The following NAALADL2 variants were observed in gnomAD, a reference collection of about 807,000 sequenced individuals.
The protein encoded by NAALADL2 is N-acetylated alpha-linked acidic dipeptidase like 2, also known as inactive N-acetylated-alpha-linked acidic dipeptidase-like protein 2.
NAALADL2 carries 76 observed loss-of-function variants against 87.2 expected under a neutral mutation model. The observed-to-expected ratio is 0.87, with a 90% CI of 0.72 to 1.05. The LOEUF (loss-of-function observed/expected upper bound fraction) is 1.05, where lower values mean the gene tolerates loss of function less well. Among genes scored for constraint, NAALADL2 ranks in the 50% least tolerant of loss-of-function variants. NAALADL2 has a pLI of 0.00. For missense variants in NAALADL2, 1,089 were observed against 945.8 expected (o/e 1.15, Z -1.99); for synonymous variants, 354 against 331.0 (o/e 1.07, Z -0.75).
intron 9 of NAALADL2, among the ~76,000 whole-genome samples, chr3:175,572,750 C>A (rs1357285973): frequency 6.6e-6 from 1 of 152,146 alleles, no homozygotes; most frequent in African/African-American, 2.4e-5. Flanking sequence ...CAGAACTGTG[C>A]TCTATGTAAC....
chr3:175,054,704 A>C (rs548049500), intron 1 of NAALADL2, among the ~76,000 whole-genome samples: 3 of 152,260 alleles, frequency 2.0e-5, no homozygotes, highest in Admixed American at 6.5e-5. Flanking sequence ...ATGATATCTT[A>C]AACCTTGGTG....
chr3:174,608,659 T>C (rs1422986946), intron 2 of NAALADL2, among the ~76,000 whole-genome samples: 2 of 151,974 alleles, frequency 1.3e-5, no homozygotes, highest in Admixed American at 1.3e-4. Flanking sequence ...TCTGAAATTG[T>C]GGCAATAATC....
intron 1 of NAALADL2, among the ~76,000 whole-genome samples, chr3:174,944,159 C>T (rs761645103): frequency 1.3e-5 from 2 of 152,170 alleles, no homozygotes; most frequent in Non-Finnish European, 2.9e-5. Flanking sequence ...TGAGGGCCTG[C>T]TCCTCCCTCT....
chr3:175,286,285 T>C (rs557936926), intron 4 of NAALADL2, among the ~76,000 whole-genome samples: 1 of 152,126 alleles, frequency 6.6e-6, no homozygotes, highest in African/African-American at 2.4e-5. Flanking sequence ...TGATTACCAG[T>C]GGAAAAAGGA....
chr3:174,470,980 G>C (rs1716861234), intron 1 of NAALADL2, among the ~76,000 whole-genome samples: 1 of 152,012 alleles, frequency 6.6e-6, no homozygotes, highest in African/African-American at 2.4e-5. Flanking sequence ...TACATCCTTA[G>C]TTATTTTTAT....
intron 2 of NAALADL2, among the ~76,000 whole-genome samples, chr3:174,578,968 G>A: frequency 6.6e-6 from 1 of 151,872 alleles, no homozygotes; most frequent in East Asian, 1.9e-4. Flanking sequence ...CAAAAGATTT[G>A]ATTGTACATT....
At chr3:175,285,378 C>G (rs1377203857) in intron 4 of NAALADL2, among the ~76,000 whole-genome samples, 2 of 152,058 alleles carry the variant, frequency 1.3e-5, no homozygotes, top group Non-Finnish European at 2.9e-5. Flanking sequence ...ATCATCAGTA[C>G]TTCCAAATTT....
At chr3:174,787,584 T>TGTATATATATACAC (rs1560225453) in intron 3 of NAALADL2, among the ~76,000 whole-genome samples, 4 of 59,214 alleles carry the variant, frequency 6.8e-5, no homozygotes, top group African/African-American at 1.7e-4. Context: ...ATCATATATA[T>TGTATATATATACAC]ATATATATAT....
chr3:175,767,140 C>T (rs1340494213), intron 13 of NAALADL2, among the ~76,000 whole-genome samples: 4 of 152,060 alleles, frequency 2.6e-5, no homozygotes, highest in African/African-American at 7.2e-5. Context: ...GATTTGCCAG[C>T]CACTACACTT....
rs1481417469 is a variant in NAALADL2 at position 175,576,194 on chromosome 3, G to A, written c.1800+7G>A. ...GGACATCAAAACATTAGAGGTGATT[G>A]TTCCTAAAAAATGCAAAACACACAC... On this transcript the variant is annotated splice_region_variant and intron_variant, in intron 10 of 13. Coordinates refer to ENST00000454872, the MANE Select transcript of NAALADL2 (RefSeq NM_207015.3). 2.5e-6 allele frequency: 4 copies of A among 1,608,714 alleles called. No homozygotes were observed. The highest frequency in any genetic ancestry group is 2.7e-5 in the African/African-American group (2 of 74,572).
At chr3:175,332,850 G>A (rs191960568) in intron 5 of NAALADL2, among the ~76,000 whole-genome samples, 1 of 152,176 alleles carries the variant, frequency 6.6e-6, no homozygotes, top group East Asian at 1.9e-4. Context: ...TTATTGTACT[G>A]GAGTCTATTT....
At chr3:175,098,680 A>C (rs1168690663) in intron 2 of NAALADL2, among the ~76,000 whole-genome samples, 2 of 152,216 alleles carry the variant, frequency 1.3e-5, no homozygotes, top group Non-Finnish European at 2.9e-5. Context: ...CGCTGCCTGC[A>C]ATATAGGCTG....
chr3:175,195,915 C>A (rs542365734), intron 2 of NAALADL2, among the ~76,000 whole-genome samples: 1 of 151,882 alleles, frequency 6.6e-6, no homozygotes, highest in Non-Finnish European at 1.5e-5. Flanking sequence ...GTGTAATGAG[C>A]TTTAAAGATG....
At chr3:174,726,287 A>C (rs767748687) in intron 2 of NAALADL2, among the ~76,000 whole-genome samples, 4 of 152,132 alleles carry the variant, frequency 2.6e-5, no homozygotes, top group Non-Finnish European at 5.9e-5. Flanking sequence ...GGGTTGCCCA[A>C]TCTATTGGCA....
intron 9 of NAALADL2, among the ~76,000 whole-genome samples, chr3:175,565,933 G>A (rs903415341): frequency 6.2e-5 from 9 of 145,056 alleles, no homozygotes; most frequent in African/African-American, 2.0e-4. Flanking sequence ...GGGTTTAAGC[G>A]ATTCTCCTAT....
intron 13 of NAALADL2, among the ~76,000 whole-genome samples, chr3:175,772,259 CTTTA>C (rs920666408): frequency 3.3e-5 from 5 of 151,462 alleles, no homozygotes; most frequent in Admixed American, 6.6e-5. Context: ...GTTTATTCAG[CTTTA>C]TTTATTTTTT....
intron 1 of NAALADL2, among the ~76,000 whole-genome samples, chr3:174,879,000 G>A (rs535534989): frequency 7.2e-5 from 11 of 152,030 alleles, no homozygotes; most frequent in African/African-American, 2.7e-4. Context: ...TTTAGCTAAC[G>A]TTATTTTGTG....
At chr3:175,578,692 A>G (rs1309483159) in intron 10 of NAALADL2, among the ~76,000 whole-genome samples, 1 of 152,214 alleles carries the variant, frequency 6.6e-6, no homozygotes, top group Non-Finnish European at 1.5e-5. Context: ...TTTGACAGTA[A>G]GCCTATGTTC....
At chr3:175,721,833 C>G (rs945447235) in intron 11 of NAALADL2, among the ~76,000 whole-genome samples, 5 of 151,856 alleles carry the variant, frequency 3.3e-5, no homozygotes, top group African/African-American at 1.2e-4. Flanking sequence ...AGAGAAGGAC[C>G]GTGAGCTACT....
Sources: allele counts gnomAD v4.1 joint callset (sites outside exome capture counted in the v4.1 genomes callset), GRCh38; gene constraint gnomAD v4.1.1; transcripts MANE v1.5; gene names NCBI Gene and HGNC (gene_info 2026-07-23, HGNC 2026-07-21).